PAK5: variants seen among roughly 807,000 people sequenced by gnomAD.
The protein encoded by PAK5 is p21 (RAC1) activated kinase 5.
In PAK5, 16 loss-of-function variants were observed where a neutral mutation model predicts 65.9. That is an observed-to-expected ratio of 0.24 (90% CI 0.16 to 0.37). The LOEUF (loss-of-function observed/expected upper bound fraction) is 0.37. Among genes scored for constraint, PAK5 ranks in the 10% least tolerant of loss-of-function variants. The probability of loss-of-function intolerance (pLI) is 1.00; values close to 1 mark genes in which losing one functional copy is unlikely to be tolerated. For synonymous variants in PAK5, 371 were observed against 354.9 expected, an observed-to-expected ratio of 1.05 and a Z score of -0.51; for missense variants, 785 against 903.9, an observed-to-expected ratio of 0.87 and a Z score of 1.69.
chr20:9,832,088 A>G (rs1213198391), intron 1 of PAK5, among the ~76,000 whole-genome samples: 3 of 152,004 alleles, frequency 2.0e-5, no homozygotes, highest in African/African-American at 7.2e-5. Context: ...TTGGGACCTT[A>G]AATACCTTTA....
intron 1 of PAK5, among the ~76,000 whole-genome samples, chr20:9,760,497 C>T (rs541546988): frequency 8.6e-5 from 13 of 151,470 alleles, no homozygotes; most frequent in Admixed American, 2.0e-4. Context: ...TTCTACAAAT[C>T]TACTGGGCTG....
chr20:9,757,344 A>C (rs1183603295), intron 1 of PAK5, among the ~76,000 whole-genome samples: 1 of 152,236 alleles, frequency 6.6e-6, no homozygotes, highest in Non-Finnish European at 1.5e-5. Flanking sequence ...CCTTATGACT[A>C]TCAGACCTAT....
chr20:9,589,456 T>C (rs1216697067), intron 3 of PAK5, among the ~76,000 whole-genome samples: 1 of 152,226 alleles, frequency 6.6e-6, no homozygotes, highest in Non-Finnish European at 1.5e-5. Flanking sequence ...TCTATTTTCT[T>C]TCAGTTCTCT....
chr20:9,600,767 A>G (rs976535495), intron 3 of PAK5, among the ~76,000 whole-genome samples: 2 of 152,188 alleles, frequency 1.3e-5, no homozygotes, highest in Non-Finnish European at 2.9e-5. Context: ...TTCCACTGGA[A>G]TAATACTTCT....
chr20:9,610,193 A>T (rs1350334200), intron 3 of PAK5, among the ~76,000 whole-genome samples: 1 of 152,244 alleles, frequency 6.6e-6, no homozygotes, highest in African/African-American at 2.4e-5. Context: ...TAATTGGCTA[A>T]TAAACTTCAC....
chr20:9,767,435 T>C (rs1458771234), intron 1 of PAK5, among the ~76,000 whole-genome samples: 1 of 152,236 alleles, frequency 6.6e-6, no homozygotes, highest in African/African-American at 2.4e-5. Context: ...CATGGGTTCC[T>C]TCTATTGCCT....
intron 6 of PAK5, among the ~76,000 whole-genome samples, chr20:9,561,357 T>C (rs1195298621): frequency 3.3e-5 from 5 of 152,226 alleles, no homozygotes; most frequent in Non-Finnish European, 7.3e-5. Flanking sequence ...CCCCTGAATA[T>C]ATTTTTATTT....
intron 1 of PAK5, among the ~76,000 whole-genome samples, chr20:9,776,163 A>T (rs2048885160): frequency 6.6e-6 from 1 of 152,208 alleles, no homozygotes; most frequent in Non-Finnish European, 1.5e-5. Context: ...GCAGGAATAT[A>T]GCACAGGTGA....
intron 7 of PAK5, among the ~76,000 whole-genome samples, chr20:9,546,175 G>T (rs1293361171): frequency 6.6e-6 from 1 of 152,146 alleles, no homozygotes; most frequent in Non-Finnish European, 1.5e-5. Context: ...TAGCAAAGCT[G>T]AAAGAATTAT....
At chr20:9,779,751 C>T (rs1833518291) in intron 1 of PAK5, among the ~76,000 whole-genome samples, 1 of 151,928 alleles carries the variant, frequency 6.6e-6, no homozygotes, top group African/African-American at 2.4e-5. Context: ...ACTTAAAACA[C>T]TTAATAGCAT....
intron 3 of PAK5, among the ~76,000 whole-genome samples, chr20:9,614,542 A>G (rs2046620651): frequency 6.6e-6 from 1 of 152,186 alleles, no homozygotes; most frequent in South Asian, 2.1e-4. Context: ...CAAACTACAG[A>G]AAAATCAGAT....
chr20:9,619,417 C>A (rs181653361), intron 3 of PAK5, among the ~76,000 whole-genome samples: 2 of 152,312 alleles, frequency 1.3e-5, no homozygotes, highest in African/African-American at 4.8e-5. Flanking sequence ...CTTGGCAACC[C>A]TGGCCACACT....
chr20:9,581,740 A>G (rs966854216), intron 3 of PAK5, among the ~76,000 whole-genome samples: 7 of 152,198 alleles, frequency 4.6e-5, no homozygotes, highest in Admixed American at 1.3e-4. Context: ...ACTGAAAGAC[A>G]TCGCAAACCA....
intron 1 of PAK5, among the ~76,000 whole-genome samples, chr20:9,777,206 G>C (rs779728093): frequency 3.1e-4 from 47 of 152,156 alleles, no homozygotes; most frequent in Non-Finnish European, 5.0e-4. Flanking sequence ...AGAGAACTGT[G>C]CATTGGATGG....
chr20:9,836,253 T>A (rs1979138816), intron 1 of PAK5, among the ~76,000 whole-genome samples: 2 of 152,152 alleles, frequency 1.3e-5, no homozygotes. Context: ...GGCTGAAGAG[T>A]GTCTCCCAAG....
chr20:9,719,425 A>T (rs143764354), intron 1 of PAK5, among the ~76,000 whole-genome samples: 3 of 152,260 alleles, frequency 2.0e-5, no homozygotes, highest in Non-Finnish European at 4.4e-5. Context: ...TCCTACAGGA[A>T]AATATCTGGT....
chr20:9,673,525 G>A (rs760504912), intron 2 of PAK5, among the ~76,000 whole-genome samples: 2 of 152,096 alleles, frequency 1.3e-5, no homozygotes, highest in Non-Finnish European at 2.9e-5. Context: ...AACCACATGT[G>A]GCTAGTAACT....
At chr20:9,701,733 T>C (rs936960254) in intron 2 of PAK5, among the ~76,000 whole-genome samples, 1 of 152,110 alleles carries the variant, frequency 6.6e-6, no homozygotes, top group Non-Finnish European at 1.5e-5. Context: ...GTATGGTAGC[T>C]CATGTCTGTA....
intron 3 of PAK5, among the ~76,000 whole-genome samples, chr20:9,618,788 T>TATATATATAAGTA (rs2046710597): frequency 1.3e-5 from 2 of 149,616 alleles, no homozygotes; most frequent in Non-Finnish European, 2.9e-5. Context: ...TACAAGCAAC[T>TATATATATAAGTA]TAAGGAAAAG....
Sources: gnomAD v4.1 joint callset for allele counts (sites outside exome capture counted in the v4.1 genomes callset) on GRCh38, gnomAD v4.1.1 for gene constraint, MANE v1.5 for transcripts, NCBI Gene and HGNC (gene_info 2026-07-23, HGNC 2026-07-21) for gene names.